The following SIM1 variants were observed in gnomAD, a reference collection of about 807,000 sequenced individuals.
The protein encoded by SIM1 is SIM bHLH transcription factor 1.
SIM1 carries 18 observed loss-of-function variants against 78.2 expected under a neutral mutation model. The ratio of observed to expected loss-of-function variants is 0.23; its 90% CI spans 0.16 to 0.34. The LOEUF (loss-of-function observed/expected upper bound fraction) is 0.34, where lower values mean the gene tolerates loss of function less well. Ranked by LOEUF, SIM1 falls within the 10% of genes least tolerant of loss-of-function variation. SIM1 has a pLI of 1.00. For missense variants in SIM1, 939 were observed against 975.1 expected (o/e 0.96, Z 0.49); for synonymous variants, 417 against 385.2 (o/e 1.08, Z -0.97).
At chr6:100,456,239 C>T (rs1224465341) in intron 2 of SIM1, among the ~76,000 whole-genome samples, 1 of 152,202 alleles carries the variant, frequency 6.6e-6, no homozygotes, top group Non-Finnish European at 1.5e-5. Flanking sequence ...GGTCCCCCCT[C>T]CCTAAAGTCT....
At position 100,388,016 on chromosome 6, in the gene SIM1, T is replaced by C. The variant is rs1301033310; in HGVS notation, c.*2345A>G. 1 of 152,162 alleles carries C rather than the reference T, an allele frequency of 6.6e-6. No homozygotes were observed. The highest frequency in any genetic ancestry group is 1.5e-5 in the Non-Finnish European group (1 of 68,000). 9.4% of individuals were successfully genotyped at this position (152,162 alleles called of 1,614,324 possible). A position where few individuals can be genotyped will look rare whatever the true frequency, so the allele number is the denominator to read the frequency against. ...ATTTTTTCTTCCAAACATCTATCAA[T>C]CTACAGAATTCTACAAAACCTTTAG... On this transcript the variant is annotated 3_prime_UTR_variant, in exon 12 of 12. Coordinates refer to ENST00000369208, the MANE Select transcript of SIM1 (RefSeq NM_005068.3).
intron 9 of SIM1, among the ~76,000 whole-genome samples, chr6:100,429,108 C>T (rs1191632173): frequency 1.3e-5 from 2 of 152,130 alleles, no homozygotes; most frequent in South Asian, 2.1e-4. Context: ...GTAGCTCACG[C>T]CTGTAATCCC....
chr6:100,389,769 A>G lies in SIM1; in HGVS notation c.*592T>C. On this transcript the variant is annotated 3_prime_UTR_variant, in exon 12 of 12. Coordinates refer to ENST00000369208, the MANE Select transcript of SIM1 (RefSeq NM_005068.3). ...AGGTGAAAACTCATTTTTGCACCAT[A>G]TCCAGAACCATTTCTCTAATTTATG... 5.0e-6 allele frequency: 2 copies of G among 399,292 alleles called. No individual in the cohort carries two copies. Among genetic ancestry groups the G allele is most frequent in the Non-Finnish European group, 8.8e-6 (2 of 226,278 alleles). The allele number at this position is 399,292 out of a possible 1,614,324, so 24.7% of individuals were successfully genotyped here.
intron 10 of SIM1, among the ~76,000 whole-genome samples, chr6:100,404,301 A>G (rs1284542938): frequency 6.6e-6 from 1 of 152,256 alleles, no homozygotes; most frequent in Non-Finnish European, 1.5e-5. Flanking sequence ...AGATGTTCCA[A>G]CAATAGATGT....
Position 100,390,903 on chromosome 6 carries a change from C to A in SIM1, c.1759G>T (p.Ala587Ser). 3.7e-6 allele frequency: 6 copies of A among 1,614,096 alleles called. No individual in the cohort carries two copies. The highest frequency in any genetic ancestry group is 5.1e-6 in the Non-Finnish European group (6 of 1,180,020). ...EEENRLQLRK[A>S]PSDQLASING... ...ATGGAAGCCAGTTGGTCTGAGGGGG[C>A]TTTCCTTAGCTGTAATCTGTTCTCT... The change falls in exon 12 of 12, where the codon GCC becomes TCC. Residue 587 changes from alanine (A) to serine (S), a missense_variant. Coordinates refer to ENST00000369208, the MANE Select transcript of SIM1 (RefSeq NM_005068.3).
chr6:100,449,659 G>A lies in SIM1; in HGVS notation c.389C>T (p.Pro130Leu), dbSNP rs768771374. 2.5e-6 allele frequency: 4 copies of A among 1,614,054 alleles called. No homozygotes were observed. Among genetic ancestry groups the A allele is most frequent in the Non-Finnish European group, 3.4e-6 (4 of 1,180,028 alleles). Residue 130 changes from proline to leucine, a missense_variant, in exon 5 of 12, where the codon CCG (proline) becomes CTG (leucine). Physicochemically the swap from Pro to Leu is moderately conservative, Grantham distance 98 (BLOSUM62 -3). Transcript: ENST00000369208. ...TGNSIYEYIHPADHDEMTAVL... is the reference protein window; with the variant it reads ...TGNSIYEYIHLADHDEMTAVL... ...CGCCGTCATCTCGTCGTGGTCTGCCGGGTGAATGTATTCATAAATGCTGTT... is the reference window on the plus strand; with the variant it reads ...CGCCGTCATCTCGTCGTGGTCTGCCAGGTGAATGTATTCATAAATGCTGTT...
chr6:100,463,376 C>G lies in SIM1; in HGVS notation c.93G>C (p.Ser31=). 3.7e-6 allele frequency: 6 copies of G among 1,614,002 alleles called. No homozygotes were observed. Among genetic ancestry groups the G allele is most frequent in the Non-Finnish European group, 5.1e-6 (6 of 1,179,962 alleles). The change falls in exon 2 of 12, where the codon TCG becomes TCC. Residue 31 remains serine, a synonymous_variant. Transcript: ENST00000369208. ...CTTTGTCCAGCTGCGAGGTGATAGC[C>G]GAGGGCAAAGGCAGTAATTTAGCCA... ...YELAKLLPLP[S]AITSQLDKAS...
chr6:100,445,735 A>G (rs1167294743), intron 9 of SIM1, among the ~76,000 whole-genome samples: 1 of 152,174 alleles, frequency 6.6e-6, no homozygotes, highest in Admixed American at 6.5e-5. Context: ...AACAGAGTGT[A>G]TGTGTAATGC....
At chr6:100,418,503 C>A (rs1339134835) in intron 10 of SIM1, among the ~76,000 whole-genome samples, 1 of 152,144 alleles carries the variant, frequency 6.6e-6, no homozygotes, top group Non-Finnish European at 1.5e-5. Flanking sequence ...ACCCTCACCA[C>A]ATGGAAGGGG....
intron 9 of SIM1, among the ~76,000 whole-genome samples, chr6:100,426,395 A>G (rs1344175699): frequency 3.3e-5 from 5 of 152,188 alleles, no homozygotes; most frequent in Non-Finnish European, 7.4e-5. Context: ...AAATGGGGCC[A>G]TTTTTGTATC....
intron 9 of SIM1, among the ~76,000 whole-genome samples, chr6:100,433,298 C>G (rs1057229932): frequency 6.6e-6 from 1 of 152,136 alleles, no homozygotes; most frequent in African/African-American, 2.4e-5. Context: ...CCATTCTTCC[C>G]CCTCCCTTAC....
chr6:100,439,283 C>A (rs921059125), intron 9 of SIM1, among the ~76,000 whole-genome samples: 5 of 152,098 alleles, frequency 3.3e-5, no homozygotes, highest in African/African-American at 1.2e-4. Context: ...AACAACATGA[C>A]AAATGTATAT....
chr6:100,445,204 C>A (rs1772325603), intron 9 of SIM1, among the ~76,000 whole-genome samples: 1 of 152,186 alleles, frequency 6.6e-6, no homozygotes, highest in Non-Finnish European at 1.5e-5. Flanking sequence ...TCAACACACA[C>A]TGAGCCACTT....
Position 100,415,007 on chromosome 6 carries a change from A to G in SIM1, c.1167+5783T>C, listed in dbSNP as rs1345654427. Among the ~76,000 whole-genome samples the G allele has an allele frequency of 2.6e-5, 4 of 152,384 alleles. No homozygotes were observed. In the East Asian group the frequency reaches 7.7e-4, roughly 29 times the overall value. ...TGATTAAATACTTTCAGATTTCAGA[A>G]GCATACAGTCTTCTGTAGGCACTGT... On this transcript the variant is annotated intron_variant, in intron 10 of 11. Coordinates refer to ENST00000369208, the MANE Select transcript of SIM1 (RefSeq NM_005068.3).
chr6:100,440,578 T>C (rs1321361265), intron 9 of SIM1, among the ~76,000 whole-genome samples: 3 of 152,218 alleles, frequency 2.0e-5, no homozygotes, highest in Non-Finnish European at 4.4e-5. Flanking sequence ...GAAAGGGAGA[T>C]GGAGTCAGGG....
intron 10 of SIM1, among the ~76,000 whole-genome samples, chr6:100,401,153 T>C (rs1770904682): frequency 6.6e-6 from 1 of 152,098 alleles, no homozygotes. Flanking sequence ...GGATAATGTA[T>C]AACCAGAATC....
intron 2 of SIM1, among the ~76,000 whole-genome samples, chr6:100,457,780 G>C (rs560344474): frequency 2.4e-4 from 36 of 152,318 alleles, no homozygotes; most frequent in African/African-American, 8.2e-4. Context: ...CTCCGGCTAA[G>C]GAGCCTGTGT....
chr6:100,393,306 A>G (rs372307941), intron 11 of SIM1, among the ~76,000 whole-genome samples, 181 bp downstream of exon 11: 12 of 152,332 alleles, frequency 7.9e-5, no homozygotes, highest in African/African-American at 2.9e-4. Flanking sequence ...TGTCAAAACT[A>G]AATGTATTTA....
chr6:100,455,573 G>C (rs1772626699), intron 2 of SIM1, among the ~76,000 whole-genome samples: 1 of 152,232 alleles, frequency 6.6e-6, no homozygotes, highest in African/African-American at 2.4e-5. Context: ...ATTGGCTGCG[G>C]AGGCCACACG....
Sources: allele counts gnomAD v4.1 joint callset (sites outside exome capture counted in the v4.1 genomes callset), GRCh38; gene constraint gnomAD v4.1.1; transcripts MANE v1.5; gene names NCBI Gene and HGNC (gene_info 2026-07-23, HGNC 2026-07-21).